CXADR: variants seen among roughly 807,000 people sequenced by gnomAD.
CXADR encodes CXADR cell adhesion molecule, also known as coxsackievirus and adenovirus receptor.
A neutral mutation model predicts 40.3 loss-of-function variants in CXADR; 20 were observed. The observed-to-expected ratio is 0.50, with a 90% CI of 0.35 to 0.72. The LOEUF (loss-of-function observed/expected upper bound fraction) is 0.72. Ranked by LOEUF, CXADR falls within the 30% of genes least tolerant of loss-of-function variation. CXADR has a pLI of 0.01. For synonymous variants in CXADR, 150 were observed against 161.3 expected, an observed-to-expected ratio of 0.93 and a Z score of 0.53; for missense variants, 332 against 449.1, an observed-to-expected ratio of 0.74 and a Z score of 2.36.
intron 3 of CXADR, 22 bp downstream of exon 3, chr21:17,551,975 T>G: frequency 6.4e-7 from 1 of 1,563,632 alleles, no homozygotes; most frequent in South Asian, 1.1e-5. Flanking sequence ...TTATTTGTGT[T>G]AACGGGTTAC....
At chr21:17,539,700 A>G (rs2060802584) in intron 1 of CXADR, among the ~76,000 whole-genome samples, 1 of 152,186 alleles carries the variant, frequency 6.6e-6, no homozygotes, top group Non-Finnish European at 1.5e-5. Context: ...CTGTATATTA[A>G]TGTACATAAT....
chr21:17,557,163 G>C (rs2061046889), intron 3 of CXADR, among the ~76,000 whole-genome samples: 1 of 152,174 alleles, frequency 6.6e-6, no homozygotes, highest in South Asian at 2.1e-4. Flanking sequence ...ACGTTTATCA[G>C]CCGGAAGGAC....
chr21:17,528,669 A>T (rs1285345620), intron 1 of CXADR, among the ~76,000 whole-genome samples: 3 of 152,100 alleles, frequency 2.0e-5, no homozygotes, highest in Non-Finnish European at 2.9e-5. Context: ...TGGCCTCCCA[A>T]AGTGCTGGGA....
chr21:17,601,259 A>G, the CXADR span, among the ~76,000 whole-genome samples: 3 of 152,190 alleles, frequency 2.0e-5, no homozygotes, highest in African/African-American at 7.2e-5. Flanking sequence ...ACCAGAGGCA[A>G]GTCACTTAAT....
At chr21:17,555,103 G>T (rs2061017240) in intron 3 of CXADR, among the ~76,000 whole-genome samples, 1 of 152,230 alleles carries the variant, frequency 6.6e-6, no homozygotes, top group Non-Finnish European at 1.5e-5. Flanking sequence ...AAAGAGAGTT[G>T]ATAGAAGGTT....
intron 2 of CXADR, among the ~76,000 whole-genome samples, chr21:17,549,374 G>C (rs2060937987): frequency 6.6e-6 from 1 of 152,180 alleles, no homozygotes; most frequent in Non-Finnish European, 1.5e-5. Context: ...GCTATACCTA[G>C]CATCTCAGGG....
chr21:17,535,319 C>A (rs1600974984), intron 1 of CXADR, among the ~76,000 whole-genome samples: 1 of 151,990 alleles, frequency 6.6e-6, no homozygotes, highest in Admixed American at 6.6e-5. Flanking sequence ...TAAATATGAG[C>A]TCTCACTATG....
At chr21:17,552,869 TA>T (rs1485196038) in intron 3 of CXADR, among the ~76,000 whole-genome samples, 8 of 152,150 alleles carry the variant, frequency 5.3e-5, no homozygotes, top group Admixed American at 2.0e-4. Context: ...GAGAACTGAT[TA>T]GGGGTGGGGT....
the CXADR span, among the ~76,000 whole-genome samples, chr21:17,635,771 A>G: frequency 6.6e-6 from 1 of 152,178 alleles, no homozygotes; most frequent in South Asian, 2.1e-4. Context: ...TGTCTGTTCT[A>G]GATCTTCTGC....
chr21:17,527,107 T>C (rs942102742), intron 1 of CXADR: 1 of 152,236 alleles, frequency 6.6e-6, no homozygotes, highest in East Asian at 1.9e-4. Flanking sequence ...GAAGGTAATA[T>C]ACTATTTCGG....
the CXADR span, among the ~76,000 whole-genome samples, chr21:17,603,370 T>G: frequency 6.6e-6 from 1 of 152,114 alleles, no homozygotes; most frequent in African/African-American, 2.4e-5. Context: ...TTGGAGAATG[T>G]TTATCACAAA....
At chr21:17,610,843 C>T in the CXADR span, among the ~76,000 whole-genome samples, 1 of 152,370 alleles carries the variant, frequency 6.6e-6, no homozygotes, top group Admixed American at 6.5e-5. Flanking sequence ...TTTTCTCAAA[C>T]TGCTCTTTCA....
intron 7 of CXADR, among the ~76,000 whole-genome samples, chr21:17,578,124 C>T (rs2061334935): frequency 6.6e-6 from 1 of 152,142 alleles, no homozygotes; most frequent in Non-Finnish European, 1.5e-5. Flanking sequence ...TTCAGTTCTT[C>T]TGAAAATACC....
chr21:17,534,942 G>T (rs372993957), intron 1 of CXADR, among the ~76,000 whole-genome samples: 1 of 151,692 alleles, frequency 6.6e-6, no homozygotes, highest in Non-Finnish European at 1.5e-5. Flanking sequence ...ATGCCACCAC[G>T]CCAAGCTAAT....
At position 17,561,401 on chromosome 21, in the gene CXADR, T is replaced by C; in HGVS notation, c.758T>C (p.Ile253Thr). ...GGAACTTTGCTTGCTCTAGCGCTCATTGGTCTTATCATCTTTTGCTGTCGT... is the reference window on the plus strand; with the variant it reads ...GGAACTTTGCTTGCTCTAGCGCTCACTGGTCTTATCATCTTTTGCTGTCGT... The part of the protein sequence containing the change: ...IIGTLLALAL[I>T]GLIIFCCRKK... The change falls in exon 6 of 7, where the codon ATT becomes ACT. Residue 253 changes from isoleucine to threonine, a missense_variant. Around this residue, in one of 3 missense-constraint regions of CXADR, gnomAD observed 150 missense variants for 194.2 expected, o/e 0.77. Transcript: ENST00000284878. The C allele has an allele frequency of 6.2e-7, 1 of 1,612,462 alleles. No homozygotes were observed. Among genetic ancestry groups the C allele is most frequent in the South Asian group, 1.1e-5 (1 of 90,784 alleles).
At chr21:17,634,748 T>G in the CXADR span, among the ~76,000 whole-genome samples, 1 of 152,328 alleles carries the variant, frequency 6.6e-6, no homozygotes, top group African/African-American at 2.4e-5. Flanking sequence ...AATTTTTAAT[T>G]TTTAATTTTT....
rs2061228435 is a variant in CXADR, at chr21:17,567,655, C to T, written c.*1963C>T. ...ACACTCTATGTTTCTGATTTTATAACAGTAGCCATTTTTGAAAGTCAGATG... is the reference window on the plus strand; with the variant it reads ...ACACTCTATGTTTCTGATTTTATAATAGTAGCCATTTTTGAAAGTCAGATG... On this transcript the variant is annotated 3_prime_UTR_variant, in exon 7 of 7. Coordinates refer to ENST00000284878, the MANE Select transcript of CXADR (RefSeq NM_001338.5). 5 of 981,224 alleles carry T rather than the reference C, an allele frequency of 5.1e-6. No individual in the cohort carries two copies. The South Asian group carries it at 1.4e-4, about 28-fold the overall frequency. The allele number at this position is 981,224 out of a possible 1,614,324, so 60.8% of individuals were successfully genotyped here.
At chr21:17,621,947 AT>A in the CXADR span, among the ~76,000 whole-genome samples, 1 of 152,376 alleles carries the variant, frequency 6.6e-6, no homozygotes, top group East Asian at 1.9e-4. Flanking sequence ...GTGTAGGTAT[AT>A]AAAAGGGTTT....
the CXADR span, chr21:17,614,206 A>G: frequency 2.6e-5 from 4 of 152,050 alleles, no homozygotes; most frequent in Non-Finnish European, 5.9e-5. Context: ...AGGTGTTTTT[A>G]TTTTAAAATC....
Sources: allele counts gnomAD v4.1 joint callset (sites outside exome capture counted in the v4.1 genomes callset), GRCh38; gene constraint gnomAD v4.1.1; regional missense constraint gnomAD v4.1.1; transcripts MANE v1.5; gene names NCBI Gene and HGNC (gene_info 2026-07-23, HGNC 2026-07-21).